The following NAALADL2 variants were observed in gnomAD, a reference collection of about 807,000 sequenced individuals.
NAALADL2 encodes inactive N-acetylated-alpha-linked acidic dipeptidase-like protein 2.
In NAALADL2, 76 loss-of-function variants were observed where a neutral mutation model predicts 87.2. The observed-to-expected ratio is 0.87, with a 90% CI of 0.72 to 1.05. The LOEUF is 1.05. Among genes scored for constraint, NAALADL2 ranks in the 50% least tolerant of loss-of-function variants. The pLI, the probability that NAALADL2 is intolerant of heterozygous loss-of-function variation, is 0.00. For missense variants in NAALADL2, 1,089 were observed against 945.8 expected (o/e 1.15, Z -1.99); for synonymous variants, 354 against 331.0 (o/e 1.07, Z -0.75).
At chr3:174,686,361 G>A (rs953901834) in intron 2 of NAALADL2, among the ~76,000 whole-genome samples, 3 of 151,982 alleles carry the variant, frequency 2.0e-5, no homozygotes, top group Non-Finnish European at 4.4e-5. Flanking sequence ...TTCAAAAGAG[G>A]TGAAGCATCT....
chr3:175,767,895 C>A (rs184074477), intron 13 of NAALADL2, among the ~76,000 whole-genome samples: 10 of 152,302 alleles, frequency 6.6e-5, no homozygotes, highest in Admixed American at 5.2e-4. Context: ...CTGAAGAAAG[C>A]AGATTCGGTT....
At chr3:175,447,137 C>A in intron 5 of NAALADL2, 92 bp from the exon 6 acceptor site, 1 of 747,152 alleles carries the variant, frequency 1.3e-6, no homozygotes, top group Non-Finnish European at 2.1e-6. Context: ...ACTTACCAGT[C>A]ATAATTTAAA....
At chr3:174,757,469 G>T (rs1712258352) in intron 3 of NAALADL2, among the ~76,000 whole-genome samples, 1 of 151,942 alleles carries the variant, frequency 6.6e-6, no homozygotes, top group South Asian at 2.1e-4. Flanking sequence ...CTCAGTGTTG[G>T]CCTGAGATGA....
At chr3:174,882,435 G>A (rs962385980) in intron 1 of NAALADL2, among the ~76,000 whole-genome samples, 56 of 150,676 alleles carry the variant, frequency 3.7e-4, no homozygotes, top group Non-Finnish European at 6.1e-4. Context: ...TTGTGTGTGT[G>A]TGTATATATG....
intron 7 of NAALADL2, among the ~76,000 whole-genome samples, chr3:175,464,551 T>C (rs2149272010): frequency 6.6e-6 from 1 of 152,324 alleles, no homozygotes; most frequent in African/African-American, 2.4e-5. Flanking sequence ...TTATACAGTG[T>C]AGCATGTAAC....
At chr3:175,460,472 T>C (rs746686380) in intron 6 of NAALADL2, among the ~76,000 whole-genome samples, 3 of 152,306 alleles carry the variant, frequency 2.0e-5, no homozygotes, top group South Asian at 2.1e-4. Context: ...AATGTAAATA[T>C]AGCATTCTTC....
chr3:175,054,826 G>A (rs919165226), intron 1 of NAALADL2, among the ~76,000 whole-genome samples: 14 of 152,170 alleles, frequency 9.2e-5, no homozygotes, highest in African/African-American at 3.4e-4. Context: ...TTTGAGGGCT[G>A]TATAACTGCT....
chr3:175,482,374 G>A (rs1289212215), intron 9 of NAALADL2, among the ~76,000 whole-genome samples: 1 of 148,990 alleles, frequency 6.7e-6, no homozygotes, highest in East Asian at 2.0e-4. Context: ...TGGAACCGTA[G>A]ACTGCAGATG....
rs137881358 is a variant in NAALADL2 at position 174,728,840 on chromosome 3, A to G, written c.-114-8801A>G. On this transcript the variant is annotated intron_variant, in intron 2 of 3. Transcript: ENST00000434257. ...CACAGACATGAGTTTACATTTATGGACAGACAGCTGATGGAGCTGGCATTG... is the reference window on the plus strand; with the variant it reads ...CACAGACATGAGTTTACATTTATGGGCAGACAGCTGATGGAGCTGGCATTG... Among the ~76,000 whole-genome samples, 821 of 152,174 alleles carry G rather than the reference A, an allele frequency of 5.4e-3. 3 individuals are homozygous for G. The highest frequency in any genetic ancestry group is 9.1e-3 in the Non-Finnish European group (621 of 67,912).
At chr3:174,457,818 CAA>C (rs111568981) in intron 1 of NAALADL2, among the ~76,000 whole-genome samples, 1 of 143,176 alleles carries the variant, frequency 7.0e-6, no homozygotes, top group African/African-American at 2.5e-5. Context: ...CTCAAAAAAA[CAA>C]AAAAAAAAAG....
intron 3 of NAALADL2, among the ~76,000 whole-genome samples, chr3:175,241,035 C>T (rs1039760802): frequency 2.0e-5 from 3 of 152,176 alleles, no homozygotes; most frequent in Non-Finnish European, 2.9e-5. Flanking sequence ...TTGTAAAAAT[C>T]CATCTTTTGG....
chr3:175,327,688 G>C (rs967298844), intron 5 of NAALADL2, among the ~76,000 whole-genome samples: 1 of 151,538 alleles, frequency 6.6e-6, no homozygotes, highest in Admixed American at 6.6e-5. Context: ...TAGCCTTTCA[G>C]GGGTAGCAAA....
chr3:175,597,786 G>A (rs1722438362), intron 10 of NAALADL2, among the ~76,000 whole-genome samples: 1 of 151,970 alleles, frequency 6.6e-6, no homozygotes, highest in African/African-American at 2.4e-5. Context: ...ATTGTCCCCA[G>A]TTGAGAATTC....
chr3:175,736,027 A>G (rs1272941560), intron 11 of NAALADL2, among the ~76,000 whole-genome samples: 2 of 152,204 alleles, frequency 1.3e-5, no homozygotes, highest in Non-Finnish European at 2.9e-5. Context: ...CAGGGTTATA[A>G]GATATGTAGG....
intron 1 of NAALADL2, among the ~76,000 whole-genome samples, chr3:175,022,636 C>A (rs931117489): frequency 3.8e-4 from 58 of 152,152 alleles, no homozygotes; most frequent in African/African-American, 1.4e-3. Flanking sequence ...ATCATTTAAT[C>A]CTGTTTGTGA....
At chr3:175,612,782 G>A (rs950989304) in intron 10 of NAALADL2, among the ~76,000 whole-genome samples, 1 of 152,072 alleles carries the variant, frequency 6.6e-6, no homozygotes, top group African/African-American at 2.4e-5. Context: ...TTATGATTGA[G>A]ACAATTTCTC....
chr3:175,314,275 G>A (rs945841185), intron 4 of NAALADL2, among the ~76,000 whole-genome samples: 22 of 151,370 alleles, frequency 1.5e-4, no homozygotes, highest in Non-Finnish European at 4.4e-5. Context: ...TTAGTATGGT[G>A]CCCTGCAAGA....
intron 1 of NAALADL2, among the ~76,000 whole-genome samples, chr3:174,489,918 T>C (rs1718078167): frequency 6.6e-6 from 1 of 152,052 alleles, no homozygotes; most frequent in Non-Finnish European, 1.5e-5. Context: ...ATTGGTGAAG[T>C]TGTAGAGAAA....
chr3:175,246,979 G>A (rs1363134362), intron 3 of NAALADL2, among the ~76,000 whole-genome samples: 1 of 152,154 alleles, frequency 6.6e-6, no homozygotes, highest in Non-Finnish European at 1.5e-5. Flanking sequence ...TGTGGAGTAT[G>A]AACTTTGGGG....
Sources: gnomAD v4.1 joint callset for allele counts (sites outside exome capture counted in the v4.1 genomes callset) on GRCh38, gnomAD v4.1.1 for gene constraint, MANE v1.5 for transcripts, NCBI Gene and HGNC (gene_info 2026-07-23, HGNC 2026-07-21) for gene names.